The following LRRTM4 variants were observed in gnomAD, a reference collection of about 807,000 sequenced individuals.
LRRTM4 encodes leucine rich repeat transmembrane neuronal 4.
A neutral mutation model predicts 47.6 loss-of-function variants in LRRTM4; 25 were observed. The observed-to-expected ratio is 0.53, with a 90% CI of 0.38 to 0.73. The LOEUF (loss-of-function observed/expected upper bound fraction) is 0.73. LRRTM4 is among the 30% of genes least tolerant of loss of function. LRRTM4 has a pLI of 0.00. For missense variants in LRRTM4, 638 were observed against 713.4 expected, an observed-to-expected ratio of 0.89 and a Z score of 1.20; for synonymous variants, 311 against 269.5, an observed-to-expected ratio of 1.15 and a Z score of -1.51.
At chr2:77,456,850 A>G (rs1676562869) in intron 3 of LRRTM4, among the ~76,000 whole-genome samples, 1 of 150,858 alleles carries the variant, frequency 6.6e-6, no homozygotes. Context: ...CTGTAACACC[A>G]TCCTTCATTT....
intron 3 of LRRTM4, among the ~76,000 whole-genome samples, chr2:77,059,510 T>G (rs1679717399): frequency 6.6e-6 from 1 of 152,196 alleles, no homozygotes; most frequent in Non-Finnish European, 1.5e-5. Flanking sequence ...TCAATCATCA[T>G]TTGGAACACA....
chr2:77,326,460 C>T (rs1295982574), intron 3 of LRRTM4, among the ~76,000 whole-genome samples: 1 of 152,140 alleles, frequency 6.6e-6, no homozygotes, highest in Non-Finnish European at 1.5e-5. Flanking sequence ...GTAGTATGAT[C>T]ATAGCTCACT....
intron 3 of LRRTM4, among the ~76,000 whole-genome samples, chr2:77,040,041 G>A (rs1281475471): frequency 1.3e-5 from 2 of 151,114 alleles, no homozygotes; most frequent in East Asian, 3.9e-4. Flanking sequence ...TTATCTTGAT[G>A]TATGTTGTAG....
chr2:76,965,615 A>AACAGT (rs1345841633), intron 3 of LRRTM4, among the ~76,000 whole-genome samples: 1 of 151,322 alleles, frequency 6.6e-6, no homozygotes, highest in Non-Finnish European at 1.5e-5. Flanking sequence ...GGTTAAAAAA[A>AACAGT]ACAGTATTCA....
At chr2:77,003,765 G>C (rs914645374) in intron 3 of LRRTM4, among the ~76,000 whole-genome samples, 2 of 152,118 alleles carry the variant, frequency 1.3e-5, no homozygotes, top group African/African-American at 4.8e-5. Context: ...AGCAACTTTG[G>C]AACTGGGCAA....
chr2:76,842,974 A>T (rs1460625176), intron 3 of LRRTM4, among the ~76,000 whole-genome samples: 1 of 152,206 alleles, frequency 6.6e-6, no homozygotes, highest in Non-Finnish European at 1.5e-5. Flanking sequence ...GTTCAGAGGC[A>T]AAGAGAAATT....
In LRRTM4 at chr2:77,204,385, AATG is replaced by A. The variant is rs1674062499; in HGVS notation, c.1551+313930_1551+313932del. 3.3e-5 allele frequency among the ~76,000 whole-genome samples: 5 copies of A among 152,060 alleles called. No homozygotes were observed. In the South Asian group the frequency reaches 1.0e-3, roughly 32 times the overall value. Reference sequence around the variant, plus strand: ...TGATGACAATGATGATGATGGTGATAATGATGATGATGGCAGCAACTAGATGGA... The same window carrying A: ...TGATGACAATGATGATGATGGTGATAATGATGATGGCAGCAACTAGATGGA... On this transcript the variant is annotated intron_variant, in intron 3 of 3. Coordinates refer to ENST00000409884, the MANE Select transcript of LRRTM4 (RefSeq NM_001134745.3).
intron 3 of LRRTM4, among the ~76,000 whole-genome samples, chr2:77,235,670 C>T (rs1172482941): frequency 6.6e-6 from 1 of 152,064 alleles, no homozygotes; most frequent in African/African-American, 2.4e-5. Context: ...GATTTTTAAT[C>T]CATCTTGAGT....
chr2:77,202,680 T>C (rs1199020085), intron 3 of LRRTM4, among the ~76,000 whole-genome samples: 1 of 152,018 alleles, frequency 6.6e-6, no homozygotes, highest in East Asian at 1.9e-4. Flanking sequence ...TGAATATTAC[T>C]GGAGTTATGT....
intron 3 of LRRTM4, among the ~76,000 whole-genome samples, chr2:76,898,840 T>A (rs1009303086): frequency 4.0e-5 from 6 of 151,300 alleles, no homozygotes; most frequent in Admixed American, 4.0e-4. Context: ...GTATAAAATA[T>A]AAAACTATAT....
chr2:77,219,721 C>T lies in LRRTM4; in HGVS notation c.1551+298597G>A, dbSNP rs1217236873. Among the ~76,000 whole-genome samples, 4 of 152,186 alleles carry T rather than the reference C, an allele frequency of 2.6e-5. No individual in the cohort carries two copies. The East Asian group carries it at 7.7e-4, about 29-fold the overall frequency. On this transcript the variant is annotated intron_variant, in intron 3 of 3. Coordinates refer to ENST00000409884, the MANE Select transcript of LRRTM4 (RefSeq NM_001134745.3). ...TTCCCGCCATTCTTTTACGCAGCAG[C>T]TGTGCAACTTCAGGGAGGTCACTTT...
rs540871885 is a variant in LRRTM4 at position 77,507,925 on chromosome 2, G to A, written c.1551+10393C>T. On this transcript the variant is annotated intron_variant, in intron 3 of 3. Transcript: ENST00000409884. ...CCCTGACTCAAAAAAGATCTATGAT[G>A]CTGACTAGTGGATCATGGTGTCCCT... 8.5e-5 allele frequency among the ~76,000 whole-genome samples: 13 copies of A among 152,224 alleles called. No homozygotes were observed. In the South Asian group the frequency reaches 2.7e-3, roughly 32 times the overall value.
chr2:77,040,409 TATC>T (rs988287805), intron 3 of LRRTM4, among the ~76,000 whole-genome samples: 2 of 151,344 alleles, frequency 1.3e-5, no homozygotes, highest in African/African-American at 4.8e-5. Context: ...AATAAGGTCA[TATC>T]ATATGAAGCT....
intron 3 of LRRTM4, among the ~76,000 whole-genome samples, chr2:77,343,990 C>T (rs1003932957): frequency 5.3e-5 from 8 of 151,462 alleles, no homozygotes; most frequent in African/African-American, 9.7e-5. Flanking sequence ...ACGAAGGATA[C>T]GATGGCTTTA....
At chr2:77,501,728 T>C (rs1367076283) in intron 3 of LRRTM4, among the ~76,000 whole-genome samples, 1 of 151,158 alleles carries the variant, frequency 6.6e-6, no homozygotes, top group African/African-American at 2.4e-5. Flanking sequence ...ATTTGCAATG[T>C]TTATAGAAGC....
intron 3 of LRRTM4, among the ~76,000 whole-genome samples, chr2:77,215,976 T>C (rs1674424922): frequency 6.6e-6 from 1 of 152,222 alleles, no homozygotes; most frequent in Non-Finnish European, 1.5e-5. Flanking sequence ...CATCATTTGA[T>C]ACCTGTTCCT....
rs185042076 is a variant in LRRTM4 at position 76,941,091 on chromosome 2, T to C, written c.1552-192175A>G. Among the ~76,000 whole-genome samples the C allele has an allele frequency of 2.2e-3, 332 of 152,042 alleles. 7 individuals are homozygous for C. Among genetic ancestry groups the C allele is most frequent in the African/African-American group, 7.8e-3 (322 of 41,486 alleles). On this transcript the variant is annotated intron_variant, in intron 3 of 3. Coordinates refer to ENST00000409884, the MANE Select transcript of LRRTM4 (RefSeq NM_001134745.3). ...ACAGAATATGAGAAGGCAATGAAAA[T>C]GAAGGTGAGACACAATAAAGAAGAA...
intron 3 of LRRTM4, among the ~76,000 whole-genome samples, chr2:77,463,840 G>T (rs116272273): frequency 0.018 from 2,707 of 152,186 alleles, 42 homozygotes; most frequent in South Asian, 0.031. Context: ...ACCACATGGC[G>T]GGTGGCAGTG....
intron 3 of LRRTM4, among the ~76,000 whole-genome samples, chr2:77,001,337 G>T (rs933200936): frequency 1.3e-5 from 2 of 152,100 alleles, no homozygotes; most frequent in Admixed American, 1.3e-4. Context: ...ACTGACAGGG[G>T]ATCTGAAATG....
Sources: allele counts gnomAD v4.1 joint callset (sites outside exome capture counted in the v4.1 genomes callset), GRCh38; gene constraint gnomAD v4.1.1; transcripts MANE v1.5; gene names NCBI Gene and HGNC (gene_info 2026-07-23, HGNC 2026-07-21).